The following GANC variants were observed in gnomAD, a reference collection of about 807,000 sequenced individuals.
GANC encodes neutral alpha-glucosidase C.
In GANC, 117 loss-of-function variants were observed where a neutral mutation model predicts 124.2. The ratio of observed to expected loss-of-function variants is 0.94; its 90% CI spans 0.81 to 1.10. The LOEUF (loss-of-function observed/expected upper bound fraction) is 1.10, where lower values mean the gene tolerates loss of function less well. Among genes scored for constraint, GANC ranks in the 50% least tolerant of loss-of-function variants. GANC has a pLI of 0.00. For missense variants in GANC, 1,140 were observed against 1,095.0 expected (o/e 1.04, Z -0.58); for synonymous variants, 377 against 376.8 (o/e 1.00, Z -0.01).
At chr15:42,299,092 A>G (rs954028359) in intron 6 of GANC, among the ~76,000 whole-genome samples, 7 of 152,158 alleles carry the variant, frequency 4.6e-5, no homozygotes, top group Admixed American at 3.3e-4. Context: ...AGATCTTCCA[A>G]TTACTATGTT....
chr15:42,294,858 A>G (rs1003270905), intron 5 of GANC, among the ~76,000 whole-genome samples: 2 of 151,568 alleles, frequency 1.3e-5, no homozygotes, highest in Non-Finnish European at 2.9e-5. Flanking sequence ...TTGTTTTACA[A>G]CTAGTTAGTT....
chr15:42,310,379 C>G lies in GANC; in HGVS notation c.819C>G (p.Ala273=), dbSNP rs1388156016. ...ATGGTTCAGTACCTTATCTCCTGGC[C>G]CACAAACTGGGCAGAACTATAGGTA... is the stretch of plus-strand genomic sequence containing the variant. The part of the protein sequence containing the change: ...GIYGSVPYLL[A]HKLGRTIGIF... Residue 273 remains alanine, a synonymous_variant, in exon 9 of 24, where the codon GCC becomes GCG. Coordinates refer to ENST00000318010, the MANE Select transcript of GANC (RefSeq NM_198141.3). The G allele has an allele frequency of 1.9e-6, 3 of 1,613,646 alleles. No individual in the cohort carries two copies. Among genetic ancestry groups the G allele is most frequent in the Non-Finnish European group, 1.7e-6 (2 of 1,179,812 alleles).
At chr15:42,305,341 CA>C (rs1327015768) in intron 6 of GANC, among the ~76,000 whole-genome samples, 4 of 151,956 alleles carry the variant, frequency 2.6e-5, no homozygotes, top group Admixed American at 2.0e-4. Flanking sequence ...GGCCAACAAA[CA>C]AAAAAAGCTC....
At position 42,273,583 on chromosome 15, in the gene GANC, C is replaced by CTG. The variant is rs1426237036; in HGVS notation, c.-898_-897dup. 1 of 1,035,388 alleles carries CTG rather than the reference C, an allele frequency of 9.7e-7. No homozygotes were observed. Among genetic ancestry groups the CTG allele is most frequent in the Non-Finnish European group, 1.4e-6 (1 of 731,304 alleles). The allele number at this position is 1,035,388 out of a possible 1,614,324, so 64.1% of individuals were successfully genotyped here. A position where few individuals can be genotyped will look rare whatever the true frequency, so the allele number is the denominator to read the frequency against. ...TGTGCGCCGTGAGACTTTGGACCTA[C>CTG]TGCGCAGGCGTCATCCTGTTGGAAC... On this transcript the variant is annotated 5_prime_UTR_variant, in exon 1 of 24. Coordinates refer to ENST00000318010, the MANE Select transcript of GANC (RefSeq NM_198141.3).
chr15:42,321,184 A>G (rs907081311), intron 10 of GANC, among the ~76,000 whole-genome samples: 1 of 152,072 alleles, frequency 6.6e-6, no homozygotes, highest in Non-Finnish European at 1.5e-5. Flanking sequence ...TAATTTTTCT[A>G]AAATATAGGT....
intron 6 of GANC, among the ~76,000 whole-genome samples, chr15:42,302,147 A>G (rs1343035727): frequency 6.6e-6 from 1 of 152,200 alleles, no homozygotes; most frequent in Non-Finnish European, 1.5e-5. Context: ...CTAAGCTTCC[A>G]GAGGAAGGAA....
chr15:42,292,578 A>T (rs911093720), intron 4 of GANC, among the ~76,000 whole-genome samples, 157 bp from the exon 5 acceptor site: 5 of 152,278 alleles, frequency 3.3e-5, no homozygotes, highest in Admixed American at 6.5e-5. Context: ...GCTCTTTGGC[A>T]TCAAAGCCAA....
chr15:42,319,804 T>C (rs958077299), intron 10 of GANC, among the ~76,000 whole-genome samples: 4 of 152,204 alleles, frequency 2.6e-5, no homozygotes, highest in Non-Finnish European at 4.4e-5. Flanking sequence ...TTAAACTTAC[T>C]GGTTGAGCAT....
intron 10 of GANC, among the ~76,000 whole-genome samples, chr15:42,316,831 A>C (rs768210683): frequency 6.6e-6 from 1 of 152,238 alleles, no homozygotes; most frequent in African/African-American, 2.4e-5. Context: ...AGGAGCCCTC[A>C]AGCGGCCCTT....
intron 16 of GANC, 90 bp from the exon 17 acceptor site, chr15:42,339,579 T>C: frequency 6.7e-7 from 1 of 1,491,522 alleles, no homozygotes; most frequent in Non-Finnish European, 9.1e-7. Flanking sequence ...TACTGCACTT[T>C]TCTCCTGTCG....
rs530447078 is a variant in GANC at position 42,328,506 on chromosome 15, C to CAAAAAAAA, written c.1501-792_1501-785dup. ...ACACACATGTTTAGAAATAAAGATTCAAAAAAAAAAAAAAACAAGCCACCT... is the reference window on the plus strand; with the variant it reads ...ACACACATGTTTAGAAATAAAGATTCAAAAAAAAAAAAAAAAAAAAAAACAAGCCACCT... On this transcript the variant is annotated intron_variant, in intron 13 of 23. Coordinates refer to ENST00000318010, the MANE Select transcript of GANC (RefSeq NM_198141.3). Among the ~76,000 whole-genome samples, 8 of 104,052 alleles carry CAAAAAAAA rather than the reference C, an allele frequency of 7.7e-5. 1 individual carries two copies. The highest frequency in any genetic ancestry group is 2.1e-4 in the Admixed American group (2 of 9,322). 68.3% of individuals were successfully genotyped at this position (104,052 alleles called of 152,430 possible). A position where few individuals can be genotyped will look rare whatever the true frequency, so the allele number is the denominator to read the frequency against.
intron 8 of GANC, among the ~76,000 whole-genome samples, chr15:42,308,710 C>T (rs2052022402): frequency 6.6e-6 from 1 of 152,202 alleles, no homozygotes; most frequent in Non-Finnish European, 1.5e-5. Flanking sequence ...TGGTCTTGAA[C>T]TCCTGACCTT....
chr15:42,308,121 T>C, intron 7 of GANC, 101 bp from the exon 8 acceptor site: 1 of 665,264 alleles, frequency 1.5e-6, no homozygotes, highest in Non-Finnish European at 2.6e-6. Flanking sequence ...CCCAGGTCTC[T>C]CAGCCTTTAG....
rs2141073766 is a variant in GANC at position 42,339,790 on chromosome 15, C to T, written c.1965C>T (p.Pro655=). 6.2e-7 allele frequency: 1 copy of T among 1,614,176 alleles called. No homozygotes were observed. The highest frequency in any genetic ancestry group is 8.5e-7 in the Non-Finnish European group (1 of 1,180,012). The change falls in exon 17 of 24, where the codon CCC becomes CCT. Residue 655 remains proline, a synonymous_variant. Transcript: ENST00000318010. The stretch of plus-strand genomic sequence containing the variant: ...CCATGAACACCAAGCGACGAGAGCC[C>T]TGGCTCTTTGGGGAGGAACACACCC... ...HATMNTKRRE[P]WLFGEEHTRL...
chr15:42,284,025 A>T, intron 3 of GANC: 1 of 702,022 alleles, frequency 1.4e-6, no homozygotes. Flanking sequence ...CATCCTCTGG[A>T]TCCCGGGAGG....
At chr15:42,300,870 T>C (rs774421450) in intron 6 of GANC, among the ~76,000 whole-genome samples, 18 of 151,682 alleles carry the variant, frequency 1.2e-4, no homozygotes, top group African/African-American at 1.9e-4. Context: ...AATACAAAAT[T>C]AGCTGGGCGT....
chr15:42,278,295 C>G (rs984413819), intron 2 of GANC, among the ~76,000 whole-genome samples, 187 bp from the exon 3 acceptor site: 2 of 152,110 alleles, frequency 1.3e-5, no homozygotes, highest in African/African-American at 4.8e-5. Flanking sequence ...CTTACTAATA[C>G]TCATCTTATT....
chr15:42,292,635 A>G, intron 4 of GANC, 100 bp from the exon 5 acceptor site: 1 of 1,183,660 alleles, frequency 8.4e-7, no homozygotes, highest in East Asian at 2.4e-5. Context: ...GCTATGTCAC[A>G]TGAATATTGA....
rs545779873 is a variant in GANC, at chr15:42,331,877, GATAA to G, written c.1741+1211_1741+1214del. 2.8e-3 allele frequency among the ~76,000 whole-genome samples: 423 copies of G among 151,544 alleles called. 1 individual carries two copies. The highest frequency in any genetic ancestry group is 9.7e-3 in the African/African-American group (400 of 41,338). ...TTGCATGAAAAAATGTTTTTGATAT[GATAA>G]ATAAAAAAAGGAACACCTAAGTGTT... On this transcript the variant is annotated intron_variant, in intron 15 of 23. Coordinates refer to ENST00000318010, the MANE Select transcript of GANC (RefSeq NM_198141.3).
Sources: gnomAD v4.1 joint callset for allele counts (sites outside exome capture counted in the v4.1 genomes callset) on GRCh38, gnomAD v4.1.1 for gene constraint, MANE v1.5 for transcripts, NCBI Gene and HGNC (gene_info 2026-07-23, HGNC 2026-07-21) for gene names.